Variants in SH3RF3 observed in about 807,000 individuals in gnomAD.
SH3RF3 encodes E3 ubiquitin-protein ligase SH3RF3.
SH3RF3 carries 29 observed loss-of-function variants against 66.3 expected under a neutral mutation model. That is an observed-to-expected ratio of 0.44 (90% CI 0.33 to 0.60). The LOEUF is 0.60. Among genes scored for constraint, SH3RF3 ranks in the 20% least tolerant of loss-of-function variants. The pLI is 0.04. For synonymous variants in SH3RF3, 583 were observed against 532.0 expected (o/e 1.10, Z -1.32); for missense variants, 1,194 against 1,190.9 (o/e 1.00, Z -0.04).
intron 9 of SH3RF3, among the ~76,000 whole-genome samples, chr2:109,498,650 C>G (rs1361660574): frequency 6.6e-6 from 1 of 152,236 alleles, no homozygotes; most frequent in African/African-American, 2.4e-5. Context: ...TTCATTCCCC[C>G]TAAGTAGTAT....
At chr2:109,376,928 C>T (rs1245404425) in intron 3 of SH3RF3, among the ~76,000 whole-genome samples, 1 of 152,250 alleles carries the variant, frequency 6.6e-6, no homozygotes, top group Non-Finnish European at 1.5e-5. Flanking sequence ...AGACCCTAGT[C>T]TGCAATGTGA....
chr2:109,401,106 G>A (rs1024140542), intron 4 of SH3RF3, among the ~76,000 whole-genome samples: 2 of 152,142 alleles, frequency 1.3e-5, no homozygotes, highest in Non-Finnish European at 2.9e-5. Flanking sequence ...GCTTATTCTT[G>A]CTCAAACATC....
rs114288777 is a variant in SH3RF3, at chr2:109,204,014, C to T, written c.573+73901C>T. Among the ~76,000 whole-genome samples the T allele has an allele frequency of 1.3e-3, 204 of 152,246 alleles. 1 individual carries two copies. The highest frequency in any genetic ancestry group is 1.4e-3 in the Non-Finnish European group (96 of 68,032). ...TGAAGGGGCTCTGAGTGTGAAAACCCGAGTAGTTTATATCTTTGAGACGTC... is the reference window on the plus strand; with the variant it reads ...TGAAGGGGCTCTGAGTGTGAAAACCTGAGTAGTTTATATCTTTGAGACGTC... On this transcript the variant is annotated intron_variant, in intron 1 of 9. Coordinates refer to ENST00000309415, the MANE Select transcript of SH3RF3 (RefSeq NM_001099289.3).
At chr2:109,231,520 G>A (rs998590251) in intron 1 of SH3RF3, among the ~76,000 whole-genome samples, 7 of 152,198 alleles carry the variant, frequency 4.6e-5, no homozygotes, top group African/African-American at 1.7e-4. Context: ...AATAAATATC[G>A]TGCTCTGTTC....
chr2:109,212,185 A>G (rs1360621219), intron 1 of SH3RF3, among the ~76,000 whole-genome samples: 1 of 152,140 alleles, frequency 6.6e-6, no homozygotes, highest in Non-Finnish European at 1.5e-5. Context: ...TTGTCAGGGT[A>G]CCAGCCACTG....
chr2:109,479,236 A>T (rs561858058), intron 8 of SH3RF3, among the ~76,000 whole-genome samples: 26 of 152,152 alleles, frequency 1.7e-4, no homozygotes, highest in African/African-American at 6.0e-4. Context: ...CTTGTGGAGG[A>T]TGTCACAAGA....
At chr2:109,418,391 GC>G (rs1676780411) in intron 4 of SH3RF3, among the ~76,000 whole-genome samples, 1 of 152,182 alleles carries the variant, frequency 6.6e-6, no homozygotes, top group Non-Finnish European at 1.5e-5. Context: ...GAGGTCGGAA[GC>G]CCCAAGTCAA....
chr2:109,459,911 G>A (rs1470135708), intron 8 of SH3RF3, among the ~76,000 whole-genome samples: 1 of 152,184 alleles, frequency 6.6e-6, no homozygotes, highest in African/African-American at 2.4e-5. Flanking sequence ...CCTGGCTGTA[G>A]GAGAAATAGC....
intron 1 of SH3RF3, among the ~76,000 whole-genome samples, chr2:109,188,862 G>C (rs556670121): frequency 3.9e-5 from 6 of 152,138 alleles, no homozygotes; most frequent in Non-Finnish European, 7.3e-5. Flanking sequence ...TTGCCAGGGG[G>C]AACGTGTTCG....
chr2:109,187,361 C>CT (rs5833319), intron 1 of SH3RF3, among the ~76,000 whole-genome samples: 7,453 of 150,050 alleles, frequency 0.05, 499 homozygotes, highest in African/African-American at 0.16. Flanking sequence ...CAACCACAGA[C>CT]TTTTTTTTTT....
Position 109,493,857 on chromosome 2 carries a change from CAT to C in SH3RF3, c.2480+2924_2480+2925del, listed in dbSNP as rs1189048234. On this transcript the variant is annotated intron_variant, in intron 9 of 9. Coordinates refer to ENST00000309415, the MANE Select transcript of SH3RF3 (RefSeq NM_001099289.3). ...ATCAAGCAACCACATAATACAAACA[CAT>C]ATTCAGACACACAACACACACCCAC... 1.9e-4 allele frequency among the ~76,000 whole-genome samples: 29 copies of C among 152,252 alleles called. No individual in the cohort carries two copies. In the East Asian group the frequency reaches 3.7e-3, roughly 19 times the overall value.
At chr2:109,416,586 T>C (rs1034043656) in intron 4 of SH3RF3, among the ~76,000 whole-genome samples, 22 of 151,468 alleles carry the variant, frequency 1.5e-4, no homozygotes, top group Non-Finnish European at 2.6e-4. Flanking sequence ...GGTTTCACCA[T>C]ATTGACCAGG....
chr2:109,193,481 C>T lies in SH3RF3; in HGVS notation c.573+63368C>T, dbSNP rs981208589. Among the ~76,000 whole-genome samples, 4 of 152,212 alleles carry T rather than the reference C, an allele frequency of 2.6e-5. No individual in the cohort carries two copies. In the East Asian group the frequency reaches 7.7e-4, roughly 29 times the overall value. On this transcript the variant is annotated intron_variant, in intron 1 of 9. Transcript: ENST00000309415. ...ACTCTGTGGGTCTCCCTATTCTGGG[C>T]TTTTCATATGAATGGAATCATACAG...
At chr2:109,408,328 C>T (rs1482479721) in intron 4 of SH3RF3, among the ~76,000 whole-genome samples, 3 of 152,168 alleles carry the variant, frequency 2.0e-5, no homozygotes, top group Admixed American at 6.5e-5. Context: ...AATGTGAAGA[C>T]CCATGATGGC....
intron 1 of SH3RF3, among the ~76,000 whole-genome samples, chr2:109,194,603 C>T (rs1026989148): frequency 1.3e-5 from 2 of 152,180 alleles, no homozygotes; most frequent in Non-Finnish European, 2.9e-5. Context: ...AGGGCAGGCA[C>T]ATATGCACAC....
At chr2:109,330,857 C>A (rs1160854609) in intron 1 of SH3RF3, among the ~76,000 whole-genome samples, 1 of 152,274 alleles carries the variant, frequency 6.6e-6, no homozygotes, top group Middle Eastern at 3.4e-3. Context: ...AAGCAGGATC[C>A]CTCTTAAGGG....
intron 1 of SH3RF3, 25 bp downstream of exon 1, chr2:109,130,138 G>A: frequency 7.8e-7 from 1 of 1,282,866 alleles, no homozygotes; most frequent in Non-Finnish European, 9.8e-7. Flanking sequence ...CGGCGGAAGT[G>A]GCCACGGCAC....
intron 1 of SH3RF3, among the ~76,000 whole-genome samples, chr2:109,162,375 T>G (rs189410785): frequency 6.6e-6 from 1 of 152,348 alleles, no homozygotes; most frequent in East Asian, 1.9e-4. Flanking sequence ...TTTTCCCCTC[T>G]TAGGGCTCCT....
intron 8 of SH3RF3, among the ~76,000 whole-genome samples, chr2:109,475,645 G>A (rs2104743796): frequency 6.6e-6 from 1 of 152,332 alleles, no homozygotes; most frequent in East Asian, 1.9e-4. Flanking sequence ...ACTGTGCTCT[G>A]CATTGTAGGA....
Sources: gnomAD v4.1 joint callset for allele counts (sites outside exome capture counted in the v4.1 genomes callset) on GRCh38, gnomAD v4.1.1 for gene constraint, MANE v1.5 for transcripts, NCBI Gene and HGNC (gene_info 2026-07-23, HGNC 2026-07-21) for gene names.